DNAH11: variants seen among roughly 807,000 people sequenced by gnomAD.
DNAH11 encodes axonemal beta dynein heavy chain 11.
Under a neutral mutation model 526.0 loss-of-function variants are expected in DNAH11, and 442 were observed. The ratio of observed to expected loss-of-function variants is 0.84; its 90% CI spans 0.78 to 0.91. The LOEUF (loss-of-function observed/expected upper bound fraction) is 0.91. DNAH11 is among the 40% of genes least tolerant of loss of function. DNAH11 has a pLI of 0.00. For synonymous variants in DNAH11, 2,461 were observed against 1,935.9 expected, an observed-to-expected ratio of 1.27 and a Z score of -7.12; for missense variants, 6,989 against 5,448.7, an observed-to-expected ratio of 1.28 and a Z score of -8.90.
intron 62 of DNAH11, among the ~76,000 whole-genome samples, chr7:21,805,866 C>T (rs1789242899): frequency 6.6e-6 from 1 of 152,174 alleles, no homozygotes; most frequent in African/African-American, 2.4e-5. Context: ...CTGACTAGAA[C>T]AGGAGACAGT....
intron 9 of DNAH11, among the ~76,000 whole-genome samples, chr7:21,586,002 C>T (rs1050022354): frequency 2.0e-5 from 3 of 152,158 alleles, no homozygotes; most frequent in African/African-American, 4.8e-5. Flanking sequence ...TTGAAATGAC[C>T]TTTACTCTCC....
At chr7:21,688,914 C>T (rs1783498475) in intron 34 of DNAH11, among the ~76,000 whole-genome samples, 2 of 152,200 alleles carry the variant, frequency 1.3e-5, no homozygotes, top group Non-Finnish European at 2.9e-5. Context: ...ATCTGGCCCA[C>T]CTGTGCCCCC....
chr7:21,724,708 G>A (rs1392273928), intron 44 of DNAH11, among the ~76,000 whole-genome samples: 1 of 149,916 alleles, frequency 6.7e-6, no homozygotes, highest in Non-Finnish European at 1.5e-5. Flanking sequence ...GTGGATATGG[G>A]AGTAACTGGG....
At chr7:21,819,990 G>A (rs1789986215) in intron 65 of DNAH11, among the ~76,000 whole-genome samples, 1 of 152,144 alleles carries the variant, frequency 6.6e-6, no homozygotes. Context: ...GGTGCTGATT[G>A]CATGCAGTTC....
At chr7:21,731,149 A>G (rs1785366925) in intron 45 of DNAH11, among the ~76,000 whole-genome samples, 1 of 152,216 alleles carries the variant, frequency 6.6e-6, no homozygotes, top group Non-Finnish European at 1.5e-5. Context: ...TCTCCGAAAA[A>G]AAAAAACTAT....
rs1343103210 is a variant in DNAH11, at chr7:21,865,356, C to A, written c.11496+699C>A. On this transcript the variant is annotated intron_variant, in intron 70 of 81. Transcript: ENST00000409508. ...AGTAGTATTTGTAATTAGATTGTAA[C>A]TTTAGAATTCAAAATTCAAATTCAA... Among the ~76,000 whole-genome samples, 4 of 152,286 alleles carry A rather than the reference C, an allele frequency of 2.6e-5. No individual in the cohort carries two copies. In the East Asian group the frequency reaches 7.7e-4, roughly 29 times the overall value.
At chr7:21,739,250 G>T (rs1174463406) in intron 47 of DNAH11, among the ~76,000 whole-genome samples, 3 of 152,160 alleles carry the variant, frequency 2.0e-5, no homozygotes. Flanking sequence ...ATTAACTACA[G>T]GGACAGCCCC....
chr7:21,797,971 C>G (rs988469534), intron 61 of DNAH11, among the ~76,000 whole-genome samples: 3 of 152,202 alleles, frequency 2.0e-5, no homozygotes, highest in African/African-American at 7.2e-5. Context: ...CCATAGCACA[C>G]CTACCTATGA....
In DNAH11 at chr7:21,901,204, A is replaced by G. The variant is rs1784810474; in HGVS notation, c.13501A>G (p.Lys4501Glu). 6.2e-7 allele frequency: 1 copy of G among 1,613,506 alleles called. No homozygotes were observed. The highest frequency in any genetic ancestry group is 1.1e-5 in the South Asian group (1 of 91,002). ...IWTFRLKSEE[K>E]TAKWVLAGVA... ...GACCTTCAGGCTGAAGAGCGAAGAG[A>G]AGACTGCAAAATGGGTTCTGGCTGG... The change falls in exon 82 of 82, where the codon AAG becomes GAG. Residue 4501 changes from lysine (K) to glutamate (E), a missense_variant. Coordinates refer to ENST00000409508, the MANE Select transcript of DNAH11 (RefSeq NM_001277115.2).
At chr7:21,733,529 C>G (rs985480677) in intron 45 of DNAH11, among the ~76,000 whole-genome samples, 5 of 152,206 alleles carry the variant, frequency 3.3e-5, no homozygotes, top group African/African-American at 1.2e-4. Flanking sequence ...TGGTTGAAGG[C>G]TGAGAACCTG....
At chr7:21,782,310 C>T (rs1434652600) in intron 57 of DNAH11, among the ~76,000 whole-genome samples, 2 of 152,208 alleles carry the variant, frequency 1.3e-5, no homozygotes, top group African/African-American at 4.8e-5. Context: ...CCCTGCAACT[C>T]TTCTCCTGTT....
intron 20 of DNAH11, among the ~76,000 whole-genome samples, chr7:21,609,763 C>T (rs998576675): frequency 2.6e-5 from 4 of 151,858 alleles, no homozygotes; most frequent in Non-Finnish European, 5.9e-5. Context: ...GAGGCAAATG[C>T]AGAAGCCTGT....
intron 23 of DNAH11, chr7:21,618,480 C>G (rs141710979): frequency 6.6e-6 from 1 of 152,386 alleles, no homozygotes; most frequent in Non-Finnish European, 1.5e-5. Context: ...TTGGGTATGT[C>G]GAAGAGCTGA....
intron 25 of DNAH11, among the ~76,000 whole-genome samples, chr7:21,624,432 C>T (rs1562709504): frequency 6.6e-6 from 1 of 152,090 alleles, no homozygotes; most frequent in Non-Finnish European, 1.5e-5. Context: ...TTGCTTTATT[C>T]ATTTATTAGT....
intron 30 of DNAH11, among the ~76,000 whole-genome samples, chr7:21,678,083 C>A (rs2128471356): frequency 6.7e-6 from 1 of 149,884 alleles, no homozygotes; most frequent in East Asian, 2.0e-4. Flanking sequence ...TGATATAGTT[C>A]ACTTGTTTAT....
At chr7:21,727,651 C>T (rs1785185735) in intron 45 of DNAH11, among the ~76,000 whole-genome samples, 1 of 152,152 alleles carries the variant, frequency 6.6e-6, no homozygotes, top group African/African-American at 2.4e-5. Flanking sequence ...CATTCTGACT[C>T]ATTTTGGAGC....
At chr7:21,632,618 C>T (rs1372786182) in intron 25 of DNAH11, among the ~76,000 whole-genome samples, 1 of 152,282 alleles carries the variant, frequency 6.6e-6, no homozygotes, top group South Asian at 2.1e-4. Flanking sequence ...TAAAACATAA[C>T]AAGAGTCACC....
intron 74 of DNAH11, among the ~76,000 whole-genome samples, chr7:21,877,639 G>T (rs894249673): frequency 1.3e-5 from 2 of 152,094 alleles, no homozygotes; most frequent in Non-Finnish European, 2.9e-5. Context: ...ACTTTGGGAG[G>T]CCGAGGCGGG....
At chr7:21,562,954 C>G (rs893688508) in intron 5 of DNAH11, among the ~76,000 whole-genome samples, 1 of 152,048 alleles carries the variant, frequency 6.6e-6, no homozygotes, top group East Asian at 1.9e-4. Context: ...TGACACAAGT[C>G]TTTTGGGTTA....
Sources: allele counts gnomAD v4.1 joint callset (sites outside exome capture counted in the v4.1 genomes callset), GRCh38; gene constraint gnomAD v4.1.1; transcripts MANE v1.5; gene names NCBI Gene and HGNC (gene_info 2026-07-23, HGNC 2026-07-21).